NAPB: variants seen among roughly 807,000 people sequenced by gnomAD.
NAPB encodes the protein NSF attachment protein beta.
A neutral mutation model predicts 44.7 loss-of-function variants in NAPB; 26 were observed. The ratio of observed to expected loss-of-function variants is 0.58; its 90% CI spans 0.43 to 0.81. The LOEUF (loss-of-function observed/expected upper bound fraction) is 0.81. NAPB is among the 30% of genes least tolerant of loss of function. The pLI, the probability that NAPB is intolerant of heterozygous loss-of-function variation, is 0.00. For synonymous variants in NAPB, 120 were observed against 116.8 expected (o/e 1.03, Z -0.18); for missense variants, 315 against 356.4 (o/e 0.88, Z 0.94).
At position 23,389,926 on chromosome 20, in the gene NAPB, G is replaced by A. The variant is rs1028753330; in HGVS notation, c.561+20C>T. The A allele has an allele frequency of 5.6e-6, 9 of 1,597,370 alleles. No individual in the cohort carries two copies. The African/African-American group carries it at 9.5e-5, about 17-fold the overall frequency. On this transcript the variant is annotated intron_variant, in intron 7 of 10. Transcript: ENST00000377026. Reference sequence around the variant, plus strand: ...AATTATTCAGACAACTTCTCTCCAAGGAAACAACAGTATCCTCACCTGCTC... The same window carrying A: ...AATTATTCAGACAACTTCTCTCCAAAGAAACAACAGTATCCTCACCTGCTC...
chr20:23,414,448 A>T (rs146786677), intron 1 of NAPB, among the ~76,000 whole-genome samples: 2 of 152,238 alleles, frequency 1.3e-5, no homozygotes, highest in African/African-American at 4.8e-5. Flanking sequence ...ACTAATTAAC[A>T]TATAATAACT....
At chr20:23,380,444 T>C (rs143854704) in intron 8 of NAPB, among the ~76,000 whole-genome samples, 20 of 152,322 alleles carry the variant, frequency 1.3e-4, no homozygotes, top group African/African-American at 4.3e-4. Flanking sequence ...ACACCATTTC[T>C]GAGCTTGCCT....
intron 5 of NAPB, among the ~76,000 whole-genome samples, chr20:23,390,860 A>G (rs1439079706): frequency 2.0e-5 from 3 of 152,178 alleles, no homozygotes; most frequent in African/African-American, 7.2e-5. Context: ...GACTACACAC[A>G]CTAATACCTT....
At chr20:23,390,637 T>C (rs914634542) in intron 5 of NAPB, among the ~76,000 whole-genome samples, 1 of 152,128 alleles carries the variant, frequency 6.6e-6, no homozygotes, top group Non-Finnish European at 1.5e-5. Context: ...CCACTTCCCA[T>C]GAGCTAGGAG....
chr20:23,387,056 A>G (rs981098201), intron 7 of NAPB, among the ~76,000 whole-genome samples: 4 of 152,236 alleles, frequency 2.6e-5, no homozygotes, highest in Admixed American at 6.5e-5. Flanking sequence ...TAGATGCAGA[A>G]AAAAGTTTGA....
At chr20:23,406,976 C>T (rs1350334072) in intron 1 of NAPB, among the ~76,000 whole-genome samples, 1 of 152,142 alleles carries the variant, frequency 6.6e-6, no homozygotes, top group Non-Finnish European at 1.5e-5. Context: ...CCATGAAAGA[C>T]ACTATCTCTA....
intron 1 of NAPB, among the ~76,000 whole-genome samples, chr20:23,403,521 T>A (rs1309027347): frequency 6.7e-6 from 1 of 149,702 alleles, no homozygotes; most frequent in Non-Finnish European, 1.5e-5. Flanking sequence ...GAGAATTGCT[T>A]GAACCTGGGA....
At chr20:23,419,110 T>C (rs970223871) in intron 1 of NAPB, among the ~76,000 whole-genome samples, 1 of 152,208 alleles carries the variant, frequency 6.6e-6, no homozygotes, top group Non-Finnish European at 1.5e-5. Context: ...TCCAAATGTT[T>C]TATAAACATA....
chr20:23,377,595 TCTTC>T, intron 10 of NAPB, 109 bp from the exon 11 acceptor site: 1 of 494,622 alleles, frequency 2.0e-6, no homozygotes, highest in Non-Finnish European at 3.4e-6. Context: ...CTACTAACTT[TCTTC>T]ATCATTTGAA....
At chr20:23,382,007 CCT>C (rs1340102185) in intron 7 of NAPB, among the ~76,000 whole-genome samples, 1 of 152,164 alleles carries the variant, frequency 6.6e-6, no homozygotes, top group Non-Finnish European at 1.5e-5. Context: ...CACCCAACCC[CCT>C]GACACTAAGG....
At chr20:23,390,131 C>T (rs1241385808) in intron 6 of NAPB, 78 bp downstream of exon 6, 4 of 1,512,584 alleles carry the variant, frequency 2.6e-6, no homozygotes, top group East Asian at 2.3e-5. Context: ...GTCAAATACA[C>T]TCACAAAGTA....
intron 1 of NAPB, among the ~76,000 whole-genome samples, chr20:23,410,541 C>T (rs1043304735): frequency 2.6e-4 from 40 of 152,090 alleles, no homozygotes; most frequent in African/African-American, 8.9e-4. Context: ...GGGACACTAG[C>T]GGGGTATGGG....
intron 2 of NAPB, among the ~76,000 whole-genome samples, chr20:23,398,854 A>ATTTTTTTTTTTTTT (rs34074566): frequency 2.2e-5 from 2 of 90,426 alleles, no homozygotes; most frequent in African/African-American, 4.8e-5. Context: ...CAAAAAAAAA[A>ATTTTTTTTTTTTTT]TTTTTTTTTT....
At chr20:23,414,769 C>T (rs1206851660) in intron 1 of NAPB, among the ~76,000 whole-genome samples, 1 of 152,032 alleles carries the variant, frequency 6.6e-6, no homozygotes, top group East Asian at 1.9e-4. Flanking sequence ...CAGATAAACA[C>T]AATGTGAAAA....
At chr20:23,413,607 A>C (rs1436705039) in intron 1 of NAPB, among the ~76,000 whole-genome samples, 2 of 152,164 alleles carry the variant, frequency 1.3e-5, no homozygotes, top group African/African-American at 4.8e-5. Context: ...CAAGGAAAAA[A>C]GGGGAAAAAC....
At chr20:23,385,516 T>A (rs1420436717) in intron 7 of NAPB, among the ~76,000 whole-genome samples, 2 of 152,048 alleles carry the variant, frequency 1.3e-5, no homozygotes, top group African/African-American at 4.8e-5. Context: ...TCCTGGCACT[T>A]TGGGAGGACA....
At chr20:23,412,708 A>G (rs552526240) in intron 1 of NAPB, among the ~76,000 whole-genome samples, 1 of 152,348 alleles carries the variant, frequency 6.6e-6, no homozygotes, top group South Asian at 2.1e-4. Context: ...ATAAGAAAAT[A>G]TCCACCTTCT....
intron 3 of NAPB, among the ~76,000 whole-genome samples, chr20:23,396,086 T>A (rs1984342291): frequency 6.6e-6 from 1 of 152,258 alleles, no homozygotes; most frequent in African/African-American, 2.4e-5. Flanking sequence ...AGATGTACTT[T>A]CCTTTTGCGT....
intron 1 of NAPB, among the ~76,000 whole-genome samples, chr20:23,416,122 G>A (rs900341301): frequency 7.2e-5 from 11 of 152,028 alleles, no homozygotes; most frequent in Non-Finnish European, 1.5e-4. Context: ...TATTTACCAC[G>A]TGCCTAACGC....
Sources: allele counts gnomAD v4.1 joint callset (sites outside exome capture counted in the v4.1 genomes callset), GRCh38; gene constraint gnomAD v4.1.1; transcripts MANE v1.5; gene names NCBI Gene and HGNC (gene_info 2026-07-23, HGNC 2026-07-21).